Variants in PXDNL observed in about 807,000 individuals in gnomAD.
The protein encoded by PXDNL is probable oxidoreductase PXDNL.
In PXDNL, 145 loss-of-function variants were observed where a neutral mutation model predicts 150.8. The ratio of observed to expected loss-of-function variants is 0.96; its 90% confidence interval spans 0.84 to 1.10. The LOEUF (loss-of-function observed/expected upper bound fraction) is 1.10, where lower values mean the gene tolerates loss of function less well. Among genes scored for constraint, PXDNL ranks in the 50% least tolerant of loss-of-function variants. The probability of loss-of-function intolerance (pLI) is 0.00; values close to 1 mark genes in which losing one functional copy is unlikely to be tolerated. For missense variants in PXDNL, 2,087 were observed against 1,873.9 expected (o/e 1.11, Z -2.10); for synonymous variants, 757 against 725.7 (o/e 1.04, Z -0.69).
intron 12 of PXDNL, among the ~76,000 whole-genome samples, chr8:51,435,343 C>A (rs1217989358): frequency 1.4e-5 from 2 of 138,970 alleles, no homozygotes; most frequent in African/African-American, 2.7e-5. Flanking sequence ...AAAAAAAGTC[C>A]TCATCAGTGT....
intron 8 of PXDNL, among the ~76,000 whole-genome samples, chr8:51,470,003 CT>C (rs1390256415): frequency 1.3e-5 from 2 of 151,970 alleles, no homozygotes; most frequent in Non-Finnish European, 1.5e-5. Context: ...ATATTTGAAA[CT>C]TTTATGTCAT....
Position 51,411,412 on chromosome 8 carries a change from A to G in PXDNL, c.1905-5T>C. The G allele has an allele frequency of 6.4e-7, 1 of 1,569,824 alleles. No homozygotes were observed. The highest frequency in any genetic ancestry group is 1.4e-5 in the African/African-American group (1 of 72,352). On this transcript the variant is annotated splice_polypyrimidine_tract_variant and splice_region_variant and intron_variant, in intron 15 of 22. Coordinates refer to ENST00000356297, the MANE Select transcript of PXDNL (RefSeq NM_144651.5). Reference sequence around the variant, plus strand: ...TCACTGGAGGTGTGAGGTTTTCTGCAAATGACAAAACACATGATTCTTTAC... The same window carrying G: ...TCACTGGAGGTGTGAGGTTTTCTGCGAATGACAAAACACATGATTCTTTAC...
intron 17 of PXDNL, among the ~76,000 whole-genome samples, chr8:51,402,014 G>A (rs113135081): frequency 2.1e-4 from 32 of 152,294 alleles, no homozygotes; most frequent in African/African-American, 7.5e-4. Flanking sequence ...CACAGGAAAG[G>A]GGCAACCTTT....
intron 21 of PXDNL, among the ~76,000 whole-genome samples, chr8:51,334,807 C>T (rs1432073644): frequency 2.0e-5 from 3 of 152,120 alleles, no homozygotes; most frequent in Non-Finnish European, 2.9e-5. Context: ...AGAAGAAAAT[C>T]TAATATGAGC....
intron 3 of PXDNL, among the ~76,000 whole-genome samples, chr8:51,567,376 C>A (rs908018518): frequency 1.3e-5 from 2 of 151,750 alleles, no homozygotes; most frequent in African/African-American, 4.8e-5. Flanking sequence ...ATGTTGAAGC[C>A]TTCAACTATC....
At chr8:51,649,522 A>G (rs1189548601) in intron 2 of PXDNL, among the ~76,000 whole-genome samples, 2 of 152,124 alleles carry the variant, frequency 1.3e-5, no homozygotes, top group African/African-American at 2.4e-5. Context: ...GAGTAAAACA[A>G]TTTACTCAAG....
At chr8:51,380,692 T>C (rs2130809276) in intron 17 of PXDNL, among the ~76,000 whole-genome samples, 1 of 152,346 alleles carries the variant, frequency 6.6e-6, no homozygotes, top group African/African-American at 2.4e-5. Flanking sequence ...TTCAATACAA[T>C]TTTGAAGTTG....
At chr8:51,550,493 T>A (rs115543581) in intron 4 of PXDNL, among the ~76,000 whole-genome samples, 2,683 of 152,282 alleles carry the variant, frequency 0.018, 83 homozygotes, top group African/African-American at 0.06. Flanking sequence ...AATGATCAAG[T>A]GGGTTTCATA....
intron 4 of PXDNL, among the ~76,000 whole-genome samples, chr8:51,555,206 A>T (rs1812575148): frequency 6.6e-6 from 1 of 152,188 alleles, no homozygotes; most frequent in South Asian, 2.1e-4. Flanking sequence ...CAAAAGGGCA[A>T]GTGAGGGCAA....
At chr8:51,690,906 T>G (rs1815981614) in intron 1 of PXDNL, among the ~76,000 whole-genome samples, 1 of 152,194 alleles carries the variant, frequency 6.6e-6, no homozygotes, top group African/African-American at 2.4e-5. Flanking sequence ...TGATTTGCAT[T>G]TCTCTGATGG....
chr8:51,469,567 A>T (rs148292440), intron 8 of PXDNL, among the ~76,000 whole-genome samples: 1 of 152,076 alleles, frequency 6.6e-6, no homozygotes, highest in African/African-American at 2.4e-5. Flanking sequence ...GGTTGTGTCT[A>T]ATCAGTTTTT....
At chr8:51,433,523 A>T (rs1364103441) in intron 12 of PXDNL, among the ~76,000 whole-genome samples, 1 of 151,954 alleles carries the variant, frequency 6.6e-6, no homozygotes, top group Non-Finnish European at 1.5e-5. Flanking sequence ...TTTGTAATGT[A>T]TTTCCTCTTA....
At chr8:51,711,720 G>A (rs1816502546) in intron 1 of PXDNL, among the ~76,000 whole-genome samples, 1 of 152,214 alleles carries the variant, frequency 6.6e-6, no homozygotes, top group Admixed American at 6.5e-5. Context: ...AAATGGAAAT[G>A]CTGGCCTAGA....
At chr8:51,747,622 G>A (rs1460467281) in intron 1 of PXDNL, among the ~76,000 whole-genome samples, 1 of 152,178 alleles carries the variant, frequency 6.6e-6, no homozygotes, top group Non-Finnish European at 1.5e-5. Context: ...ATTGAACCAG[G>A]AAATAAGGGG....
intron 2 of PXDNL, among the ~76,000 whole-genome samples, chr8:51,651,608 A>T (rs1226176819): frequency 6.6e-6 from 1 of 152,096 alleles, no homozygotes; most frequent in Admixed American, 6.5e-5. Context: ...CTAGAATCAG[A>T]TCTTCGTATT....
chr8:51,380,852 AT>A (rs1180724192), intron 17 of PXDNL, among the ~76,000 whole-genome samples: 1 of 152,214 alleles, frequency 6.6e-6, no homozygotes, highest in Non-Finnish European at 1.5e-5. Flanking sequence ...GAAATGTTGC[AT>A]TTTACATGGA....
chr8:51,566,549 A>C (rs934674217), intron 3 of PXDNL, among the ~76,000 whole-genome samples: 1 of 151,718 alleles, frequency 6.6e-6, no homozygotes, highest in Non-Finnish European at 1.5e-5. Context: ...AGTCCATTTT[A>C]TCTAAGTTAC....
chr8:51,790,281 G>A (rs1007104877), intron 1 of PXDNL, among the ~76,000 whole-genome samples: 1 of 151,960 alleles, frequency 6.6e-6, no homozygotes, highest in African/African-American at 2.4e-5. Context: ...AGAGGAGGAC[G>A]ATTCTTTGTC....
At position 51,449,072 on chromosome 8, in the gene PXDNL, T is replaced by A; in HGVS notation, c.1296A>T (p.Glu432Asp). The change falls in exon 11 of 23, where the codon GAA becomes GAT. Residue 432 changes from glutamate to aspartate, a missense_variant. Coordinates refer to ENST00000356297, the MANE Select transcript of PXDNL (RefSeq NM_144651.5). ...CACAGAGCCACTCTACAGCATGTTCTTCCAGCACCACTTGATCCTTGGGGG... is the reference window on the plus strand; with the variant it reads ...CACAGAGCCACTCTACAGCATGTTCATCCAGCACCACTTGATCCTTGGGGG... ...TVTPKDQVVLEEHAVEWLCEA... is the reference protein window; with the variant it reads ...TVTPKDQVVLDEHAVEWLCEA... The A allele has an allele frequency of 6.4e-7, 1 of 1,553,298 alleles. No individual in the cohort carries two copies. The highest frequency in any genetic ancestry group is 8.7e-7 in the Non-Finnish European group (1 of 1,147,738).
Sources: gnomAD v4.1 joint callset for allele counts (sites outside exome capture counted in the v4.1 genomes callset) on GRCh38, gnomAD v4.1.1 for gene constraint, MANE v1.5 for transcripts, NCBI Gene and HGNC (gene_info 2026-07-23, HGNC 2026-07-21) for gene names.